CSMD1: variants seen among roughly 807,000 people sequenced by gnomAD.
CSMD1 encodes CUB and Sushi multiple domains 1.
CSMD1 carries 213 observed loss-of-function variants against 417.5 expected under a neutral mutation model. That is an observed-to-expected ratio of 0.51 (90% CI 0.46 to 0.57). The LOEUF (loss-of-function observed/expected upper bound fraction) is 0.57, where lower values mean the gene tolerates loss of function less well. Ranked by LOEUF, CSMD1 falls within the 20% of genes least tolerant of loss-of-function variation. The pLI is 0.00. For synonymous variants in CSMD1, 2,862 were observed against 1,736.8 expected (o/e 1.65, Z -16.11); for missense variants, 6,923 against 4,529.7 (o/e 1.53, Z -15.17).
rs571116702 is a variant in CSMD1, at chr8:3,420,927, C to A, written c.1562-11322G>T. Among the ~76,000 whole-genome samples, 6 of 152,138 alleles carry A rather than the reference C, an allele frequency of 3.9e-5. 1 individual carries two copies. In the Middle Eastern group the frequency reaches 0.01, roughly 259 times the overall value. On this transcript the variant is annotated intron_variant, in intron 12 of 69. Transcript: ENST00000635120. The stretch of plus-strand genomic sequence containing the variant: ...TTCCTGTTTCTCTTGGTCCAGTTAT[C>A]TAATAATCAGAATTTATTATATATT...
intron 3 of CSMD1, among the ~76,000 whole-genome samples, chr8:4,185,872 A>G (rs1798645240): frequency 6.6e-6 from 1 of 152,212 alleles, no homozygotes; most frequent in South Asian, 2.1e-4. Flanking sequence ...TGTAGGCCTG[A>G]GTACTAAGAT....
chr8:4,312,171 G>A (rs1396707978), intron 3 of CSMD1, among the ~76,000 whole-genome samples: 1 of 151,698 alleles, frequency 6.6e-6, no homozygotes, highest in Non-Finnish European at 1.5e-5. Flanking sequence ...CGTGCATTTA[G>A]TCAGAAGACA....
chr8:4,903,722 C>G (rs1051456351), intron 1 of CSMD1, among the ~76,000 whole-genome samples: 1 of 152,290 alleles, frequency 6.6e-6, no homozygotes, highest in East Asian at 1.9e-4. Context: ...AAGAGCAACA[C>G]AGATGAAGCA....
intron 2 of CSMD1, among the ~76,000 whole-genome samples, chr8:4,462,642 G>A (rs941119646): frequency 2.6e-5 from 4 of 152,086 alleles, no homozygotes; most frequent in Non-Finnish European, 5.9e-5. Context: ...TTAGACACAT[G>A]GATTAATGAA....
At chr8:3,040,426 T>C (rs1272265064) in intron 50 of CSMD1, among the ~76,000 whole-genome samples, 1 of 143,956 alleles carries the variant, frequency 6.9e-6, no homozygotes, top group Non-Finnish European at 1.5e-5. Context: ...CAGAAATATA[T>C]ATATGTATAT....
intron 2 of CSMD1, among the ~76,000 whole-genome samples, chr8:4,605,082 A>G (rs961417365): frequency 6.6e-6 from 1 of 152,220 alleles, no homozygotes; most frequent in African/African-American, 2.4e-5. Flanking sequence ...GCTAATGTGG[A>G]ACTTAAAATT....
chr8:4,512,149 T>C (rs553791586), intron 2 of CSMD1, among the ~76,000 whole-genome samples: 1 of 152,286 alleles, frequency 6.6e-6, no homozygotes, highest in South Asian at 2.1e-4. Flanking sequence ...GAAAAATTAA[T>C]TAACATATCA....
chr8:3,452,560 A>G (rs1157706649), intron 12 of CSMD1, among the ~76,000 whole-genome samples: 1 of 152,218 alleles, frequency 6.6e-6, no homozygotes, highest in African/African-American at 2.4e-5. Flanking sequence ...CCTTTTCTGC[A>G]TCTATTGAGA....
At chr8:3,556,175 T>C (rs1375789298) in intron 10 of CSMD1, among the ~76,000 whole-genome samples, 3 of 151,948 alleles carry the variant, frequency 2.0e-5, no homozygotes, top group Non-Finnish European at 4.4e-5. Context: ...GTGGATTTTA[T>C]AAACATGTAA....
intron 3 of CSMD1, among the ~76,000 whole-genome samples, chr8:4,239,171 G>C (rs1389052424): frequency 1.3e-5 from 2 of 152,180 alleles, no homozygotes; most frequent in Admixed American, 6.5e-5. Context: ...CACCAGAGTT[G>C]AATGAACTAT....
At chr8:4,837,230 A>G (rs958196916) in intron 1 of CSMD1, among the ~76,000 whole-genome samples, 4 of 152,186 alleles carry the variant, frequency 2.6e-5, no homozygotes, top group East Asian at 1.9e-4. Context: ...TAAAGCTATC[A>G]TATCATCTAG....
At chr8:3,305,944 T>A (rs1226339804) in intron 25 of CSMD1, among the ~76,000 whole-genome samples, 4 of 152,178 alleles carry the variant, frequency 2.6e-5, no homozygotes, top group African/African-American at 9.6e-5. Flanking sequence ...CCTCCCAAGG[T>A]GCTGGGATTA....
intron 5 of CSMD1, among the ~76,000 whole-genome samples, chr8:3,885,116 C>T (rs115076016): frequency 0.023 from 3,524 of 151,990 alleles, 62 homozygotes; most frequent in Middle Eastern, 0.058. Flanking sequence ...ATACATTTGT[C>T]GAAACTGTGT....
chr8:4,993,717 T>A (rs897039145), intron 1 of CSMD1, among the ~76,000 whole-genome samples: 3 of 152,082 alleles, frequency 2.0e-5, no homozygotes, highest in African/African-American at 7.2e-5. Context: ...AGGAGCGAAG[T>A]CCGGGGGAGA....
chr8:3,434,992 G>A lies in CSMD1; in HGVS notation c.1562-25387C>T, dbSNP rs192510141. Among the ~76,000 whole-genome samples, 7 of 151,898 alleles carry A rather than the reference G, an allele frequency of 4.6e-5. No individual in the cohort carries two copies. In the East Asian group the frequency reaches 1.4e-3, roughly 30 times the overall value. ...CATTTATCCCCCCAGGGAGCTGGTAGCAGACAGGACAGGGAGCTGGTAGCA... is the reference window on the plus strand; with the variant it reads ...CATTTATCCCCCCAGGGAGCTGGTAACAGACAGGACAGGGAGCTGGTAGCA... On this transcript the variant is annotated intron_variant, in intron 12 of 69. Coordinates refer to ENST00000635120, the MANE Select transcript of CSMD1 (RefSeq NM_033225.6).
intron 3 of CSMD1, among the ~76,000 whole-genome samples, chr8:4,065,508 A>C (rs1279282969): frequency 6.6e-6 from 1 of 152,178 alleles, no homozygotes; most frequent in Non-Finnish European, 1.5e-5. Flanking sequence ...ACACTGATTC[A>C]AAGTGAAGTT....
At chr8:4,368,313 A>T (rs1347586013) in intron 3 of CSMD1, among the ~76,000 whole-genome samples, 1 of 152,160 alleles carries the variant, frequency 6.6e-6, no homozygotes, top group Non-Finnish European at 1.5e-5. Context: ...ATGTTAAACC[A>T]ACTTTAGATC....
rs545735441 is a variant in CSMD1, at chr8:3,749,830, T to G, written c.931+4100A>C. On this transcript the variant is annotated intron_variant, in intron 6 of 69. Transcript: ENST00000635120. The stretch of plus-strand genomic sequence containing the variant: ...CCATGTTTGTTTATTACTTCTATGG[T>G]TAATGAACACTGAGGTGGTTCGCGG... Among the ~76,000 whole-genome samples the G allele has an allele frequency of 3.3e-5, 5 of 152,242 alleles. No individual in the cohort carries two copies. In the South Asian group the frequency reaches 1.0e-3, roughly 32 times the overall value.
chr8:3,914,437 C>A (rs972937559), intron 5 of CSMD1, among the ~76,000 whole-genome samples: 2 of 152,086 alleles, frequency 1.3e-5, no homozygotes, highest in Non-Finnish European at 1.5e-5. Flanking sequence ...TGTTCTAAAT[C>A]TTCTATTTCT....
Sources: gnomAD v4.1 joint callset for allele counts (sites outside exome capture counted in the v4.1 genomes callset) on GRCh38, gnomAD v4.1.1 for gene constraint, MANE v1.5 for transcripts, NCBI Gene and HGNC (gene_info 2026-07-23, HGNC 2026-07-21) for gene names.